Variants in SCN7A observed in about 807,000 individuals in gnomAD.
SCN7A encodes sodium channel protein type 7 subunit alpha.
SCN7A carries 138 observed loss-of-function variants against 155.2 expected under a neutral mutation model. The ratio of observed to expected loss-of-function variants is 0.89; its 90% confidence interval spans 0.77 to 1.02. SCN7A has a LOEUF of 1.02. Ranked by LOEUF, SCN7A falls within the 50% of genes least tolerant of loss-of-function variation. SCN7A has a pLI of 0.00. For missense variants in SCN7A, 2,058 were observed against 1,986.6 expected, an observed-to-expected ratio of 1.04 and a Z score of -0.68; for synonymous variants, 693 against 649.0, an observed-to-expected ratio of 1.07 and a Z score of -1.03.
At position 166,494,063 on chromosome 2, in the gene SCN7A, C is replaced by T. The variant is rs1683174597; in HGVS notation, c.-223G>A. On this transcript the variant is annotated 5_prime_UTR_variant, in exon 1 of 26. Coordinates refer to ENST00000643258, the MANE Select transcript of SCN7A (RefSeq NM_002976.4). ...TCCTCCTCCTGGGCTTCTCTTTCTC[C>T]ACGGATCTCTCGGGTTTTCTGAGCT... The T allele has an allele frequency of 6.6e-6, 1 of 152,526 alleles. No individual in the cohort carries two copies. The highest frequency in any genetic ancestry group is 1.5e-5 in the Non-Finnish European group (1 of 68,338). 9.4% of individuals were successfully genotyped at this position (152,526 alleles called of 1,614,324 possible).
At chr2:166,453,258 T>C (rs1228465426) in intron 11 of SCN7A, among the ~76,000 whole-genome samples, 2 of 152,148 alleles carry the variant, frequency 1.3e-5, no homozygotes, top group Non-Finnish European at 2.9e-5. Context: ...AAATTTAGCA[T>C]AGAGTCTGAA....
intron 2 of SCN7A, among the ~76,000 whole-genome samples, chr2:166,486,313 T>C (rs1406551376): frequency 1.3e-5 from 2 of 152,206 alleles, no homozygotes; most frequent in African/African-American, 4.8e-5. Flanking sequence ...AGAAGAGTTC[T>C]GAACCAGTGT....
intron 5 of SCN7A, among the ~76,000 whole-genome samples, chr2:166,473,260 C>T (rs951381307): frequency 6.6e-6 from 1 of 151,394 alleles, no homozygotes; most frequent in Non-Finnish European, 1.5e-5. Context: ...ATGACAAAAA[C>T]ATCAAATATC....
chr2:166,477,458 C>G lies in SCN7A; in HGVS notation c.234+5G>C. 6.9e-7 allele frequency: 1 copy of G among 1,449,948 alleles called. No homozygotes were observed. Among genetic ancestry groups the G allele is most frequent in the South Asian group, 1.4e-5 (1 of 73,338 alleles). 89.8% of individuals were successfully genotyped at this position (1,449,948 alleles called of 1,614,324 possible). ...GTCATCAAAATAATCTCAATTAATA[C>G]TCACATTTTTTTTCTTGTAGTAATA... On this transcript the variant is annotated splice_donor_5th_base_variant and intron_variant, in intron 3 of 25. Coordinates refer to ENST00000643258, the MANE Select transcript of SCN7A (RefSeq NM_002976.4).
intron 21 of SCN7A, among the ~76,000 whole-genome samples, chr2:166,413,540 G>C (rs1297016180): frequency 1.3e-5 from 2 of 152,040 alleles, no homozygotes; most frequent in African/African-American, 4.8e-5. Flanking sequence ...ATAAAAAGTA[G>C]TGACTTGGGT....
chr2:166,410,987 G>A (rs566611422), intron 23 of SCN7A, among the ~76,000 whole-genome samples: 2 of 152,046 alleles, frequency 1.3e-5, no homozygotes, highest in Admixed American at 6.6e-5. Context: ...ACACCAGTTC[G>A]AAGCCTAGAA....
chr2:166,472,352 T>C lies in SCN7A; in HGVS notation c.537A>G (p.Pro179=), dbSNP rs915442012. 6 of 1,608,692 alleles carry C rather than the reference T, an allele frequency of 3.7e-6. No homozygotes were observed. The highest frequency in any genetic ancestry group is 3.3e-5 in the South Asian group (3 of 90,392). ...WAGSFSFLGD[P]WNWLDFSVTV... ...TTACGCTGAAATCGAGCCAGTTCCA[T>C]GGATCACCGAGGAAGGAAAATGATC... The change falls in exon 6 of 26, where the codon CCA becomes CCG. Residue 179 remains proline (P), a synonymous_variant. Coordinates refer to ENST00000643258, the MANE Select transcript of SCN7A (RefSeq NM_002976.4).
At chr2:166,470,802 T>C (rs976585554) in intron 6 of SCN7A, 96 bp from the exon 7 acceptor site, 83 of 1,039,688 alleles carry the variant, frequency 8.0e-5, no homozygotes, top group Non-Finnish European at 9.9e-5. Flanking sequence ...TTTAAAACCA[T>C]ATATGCAAAC....
At position 166,412,684 on chromosome 2, in the gene SCN7A, AGCAAAT is replaced by A. The variant is rs748394352; in HGVS notation, c.3469-23_3469-18del. The A allele has an allele frequency of 9.7e-5, 143 of 1,477,176 alleles. No homozygotes were observed. Among genetic ancestry groups the A allele is most frequent in the Admixed American group, 1.2e-4 (4 of 32,596 alleles). 91.5% of individuals were successfully genotyped at this position (1,477,176 alleles called of 1,614,324 possible). A position where few individuals can be genotyped will look rare whatever the true frequency, so the allele number is the denominator to read the frequency against. On this transcript the variant is annotated intron_variant, in intron 22 of 25. Transcript: ENST00000643258. ...TATATTAACCTAGAAGTTTAAAATA[AGCAAAT>A]TATTGATATTGGCTTTTTAAAACAA...
intron 15 of SCN7A, among the ~76,000 whole-genome samples, chr2:166,434,970 G>T (rs1292505984): frequency 6.6e-6 from 1 of 151,942 alleles, no homozygotes; most frequent in African/African-American, 2.4e-5. Context: ...ACAAGAAAAA[G>T]TTTATGCTAT....
In SCN7A at chr2:166,474,246, A is replaced by G. The variant is rs1189605078; in HGVS notation, c.333T>C (p.Thr111=). Residue 111 remains threonine (T), a synonymous_variant, in exon 4 of 26, where the codon ACT becomes ACC. Coordinates refer to ENST00000643258, the MANE Select transcript of SCN7A (RefSeq NM_002976.4). ...LSPFNCIRRT[T]IKVLVHPFFQ... ...GATATGGATGTACCAAAACCTTGAT[A>G]GTTGTTCTTCTAATACAATTGAAAG... 6.6e-7 allele frequency: 1 copy of G among 1,504,934 alleles called. No homozygotes were observed. The allele number at this position is 1,504,934 out of a possible 1,614,324, so 93.2% of individuals were successfully genotyped here. A position where few individuals can be genotyped will look rare whatever the true frequency, so the allele number is the denominator to read the frequency against.
chr2:166,453,037 T>C (rs567411967), intron 11 of SCN7A, among the ~76,000 whole-genome samples: 2 of 152,218 alleles, frequency 1.3e-5, no homozygotes, highest in Non-Finnish European at 2.9e-5. Context: ...TTGTGTTATC[T>C]ATAATTAACG....
chr2:166,440,251 G>T (rs780929726), intron 15 of SCN7A, among the ~76,000 whole-genome samples: 79 of 152,302 alleles, frequency 5.2e-4, no homozygotes, highest in Non-Finnish European at 1.0e-3. Flanking sequence ...GAATCTCTAA[G>T]AATGGATTCT....
intron 6 of SCN7A, 49 bp downstream of exon 6, chr2:166,472,268 A>G: frequency 2.0e-6 from 3 of 1,519,062 alleles, no homozygotes; most frequent in Non-Finnish European, 2.6e-6. Context: ...TATGAAAAAC[A>G]TTTTCTGAGC....
chr2:166,439,993 C>G (rs1296144855), intron 15 of SCN7A, among the ~76,000 whole-genome samples: 4 of 152,026 alleles, frequency 2.6e-5, no homozygotes, highest in African/African-American at 7.2e-5. Flanking sequence ...AATACCAAGT[C>G]TTGTATTCCT....
intron 15 of SCN7A, among the ~76,000 whole-genome samples, chr2:166,438,114 G>T (rs1701877332): frequency 6.6e-6 from 1 of 152,134 alleles, no homozygotes; most frequent in African/African-American, 2.4e-5. Context: ...TTGAATTGTA[G>T]TTTCCATAAT....
Position 166,405,589 on chromosome 2 carries a change from G to T in SCN7A, c.5040C>A (p.Ser1680Arg), listed in dbSNP as rs770090932. The change falls in exon 26 of 26, where the codon AGC (serine) becomes AGA (arginine). Residue 1680 changes from serine to arginine, a missense_variant. Physicochemically the swap from Ser to Arg is moderately radical, Grantham distance 110 (BLOSUM62 -1). Transcript: ENST00000643258. The part of the protein sequence containing the change: ...DKAKEKSPIQ[S>R]QI The stretch of plus-strand genomic sequence containing the variant: ...GAGGTGGTAAGTGGTATTAGATCTG[G>T]CTTTGAATAGGTGACTTTTCCTTAG... 10 of 1,581,268 alleles carry T rather than the reference G, an allele frequency of 6.3e-6. No homozygotes were observed. In the Admixed American group the frequency reaches 1.8e-4, roughly 29 times the overall value.
rs750632402 is a variant in SCN7A, at chr2:166,472,438, A to C, written c.451T>G (p.Leu151Val). ...ATTTCAAATGTGTAAATTCCAAGCA[A>C]AGTATTCCTGCAGAAATTTTTTCAT... ...PKWRPVLENTLLGIYTFEILV... is the reference protein window; with the variant it reads ...PKWRPVLENTVLGIYTFEILV... The change falls in exon 6 of 26, where the codon TTG becomes GTG. Residue 151 changes from leucine to valine, a missense_variant. Leu to Val is a conservative substitution (Grantham distance 32). Transcript: ENST00000643258. 3 of 1,598,904 alleles carry C rather than the reference A, an allele frequency of 1.9e-6. No homozygotes were observed. In the South Asian group the frequency reaches 3.4e-5, roughly 18 times the overall value.
intron 2 of SCN7A, among the ~76,000 whole-genome samples, 152 bp from the exon 3 acceptor site, chr2:166,477,862 T>C (rs1449516143): frequency 6.6e-6 from 1 of 152,030 alleles, no homozygotes; most frequent in Non-Finnish European, 1.5e-5. Flanking sequence ...TCCTGAGTTT[T>C]ATTGTACTTA....
Sources: allele counts gnomAD v4.1 joint callset (sites outside exome capture counted in the v4.1 genomes callset), GRCh38; gene constraint gnomAD v4.1.1; transcripts MANE v1.5; gene names NCBI Gene and HGNC (gene_info 2026-07-23, HGNC 2026-07-21).